LIN54: variants seen among roughly 807,000 people sequenced by gnomAD.
LIN54 encodes lin-54 DREAM MuvB core complex component, also known as protein lin-54 homolog.
Under a neutral mutation model 78.7 loss-of-function variants are expected in LIN54, and 9 were observed. The observed-to-expected ratio is 0.11, with a 90% confidence interval of 0.07 to 0.20. The LOEUF (loss-of-function observed/expected upper bound fraction) is 0.20, where lower values mean the gene tolerates loss of function less well. Among genes scored for constraint, LIN54 ranks in the 10% least tolerant of loss-of-function variants. The pLI is 1.00. For synonymous variants in LIN54, 269 were observed against 318.4 expected (o/e 0.84, Z 1.65); for missense variants, 573 against 889.9 (o/e 0.64, Z 4.53).
rs1399404644 is a variant in LIN54, at chr4:82,927,917, T to A, written c.*185A>T. On this transcript the variant is annotated 3_prime_UTR_variant, in exon 13 of 13. Transcript: ENST00000340417. ...AATTTAGAAGGGGCATAAGCAGATT[T>A]AACTAAGATTTAAAATGTACTAATT... The A allele has an allele frequency of 3.5e-6, 2 of 575,566 alleles. No individual in the cohort carries two copies. The highest frequency in any genetic ancestry group is 6.1e-6 in the Non-Finnish European group (2 of 325,540). The allele number at this position is 575,566 out of a possible 1,614,324, so 35.7% of individuals were successfully genotyped here.
At chr4:83,002,012 A>G (rs747637575) in intron 1 of LIN54, among the ~76,000 whole-genome samples, 1 of 147,288 alleles carries the variant, frequency 6.8e-6, no homozygotes, top group African/African-American at 2.5e-5. Flanking sequence ...GAGCTAACAG[A>G]TACCATAGCA....
At chr4:82,994,877 A>G (rs544994054) in intron 1 of LIN54, among the ~76,000 whole-genome samples, 7 of 152,004 alleles carry the variant, frequency 4.6e-5, no homozygotes, top group Non-Finnish European at 7.4e-5. Flanking sequence ...TTTGCTTCAT[A>G]TATTTTGAAG....
At chr4:82,991,986 T>C (rs950788081) in intron 1 of LIN54, among the ~76,000 whole-genome samples, 2 of 152,218 alleles carry the variant, frequency 1.3e-5, no homozygotes, top group East Asian at 1.9e-4. Context: ...TAAAATGAAT[T>C]GGAGTGTGTT....
intron 5 of LIN54, among the ~76,000 whole-genome samples, chr4:82,940,201 T>C (rs1722737551): frequency 6.6e-6 from 1 of 152,188 alleles, no homozygotes; most frequent in Non-Finnish European, 1.5e-5. Flanking sequence ...GGAATATTTG[T>C]AGGTTCAAGA....
intron 4 of LIN54, among the ~76,000 whole-genome samples, chr4:82,962,302 T>TC (rs764484691): frequency 4.5e-4 from 68 of 152,330 alleles, no homozygotes; most frequent in Non-Finnish European, 8.4e-4. Context: ...CTCTAAAAGT[T>TC]CAACTTTTTC....
At chr4:83,002,909 G>A (rs991042209) in intron 1 of LIN54, among the ~76,000 whole-genome samples, 1 of 152,132 alleles carries the variant, frequency 6.6e-6, no homozygotes, top group Non-Finnish European at 1.5e-5. Context: ...ATGACTGCTT[G>A]GGGTTGGTGT....
At position 82,984,286 on chromosome 4, in the gene LIN54, T is replaced by C. The variant is rs1300694367; in HGVS notation, c.559A>G (p.Thr187Ala). 6.2e-7 allele frequency: 1 copy of C among 1,614,208 alleles called. No individual in the cohort carries two copies. The highest frequency in any genetic ancestry group is 1.7e-5 in the Admixed American group (1 of 60,024). Residue 187 changes from threonine (T) to alanine (A), a missense_variant, in exon 2 of 13, where the codon ACC becomes GCC. By Grantham distance (58) the Thr-to-Ala change is moderately conservative. Transcript: ENST00000340417. ...TTCACCTCTGGCCTCCCTCCAATGG[T>C]AACTACTTTAATTTGCTGCGGTGGT... is the stretch of plus-strand genomic sequence containing the variant. ...KLPPQQIKVV[T>A]IGGRPEVKPV...
rs191696004 is a variant in LIN54 at position 82,930,030 on chromosome 4, T to C, written c.2048+913A>G. Reference sequence around the variant, plus strand: ...CTCCTGCGTCAGCCTCCCAAGTAGCTGGGATTACAGGCGCACACCACCATG... The same window carrying C: ...CTCCTGCGTCAGCCTCCCAAGTAGCCGGGATTACAGGCGCACACCACCATG... On this transcript the variant is annotated intron_variant, in intron 12 of 12. Coordinates refer to ENST00000340417, the MANE Select transcript of LIN54 (RefSeq NM_194282.4). 6.9e-3 allele frequency among the ~76,000 whole-genome samples: 1,052 copies of C among 152,090 alleles called. 47 individuals carry two copies. The highest frequency in any genetic ancestry group is 0.052 in the Admixed American group (799 of 15,276).
Position 82,925,688 on chromosome 4 carries a change from A to G in LIN54, c.*2414T>C, listed in dbSNP as rs573528731. ...ATTAAATGGTTAATAAAGTGGTGTTATTATACTAAAGAAAAAATGCAAAAC... is the reference window on the plus strand; with the variant it reads ...ATTAAATGGTTAATAAAGTGGTGTTGTTATACTAAAGAAAAAATGCAAAAC... On this transcript the variant is annotated 3_prime_UTR_variant, in exon 13 of 13. Transcript: ENST00000340417. 6.6e-6 allele frequency: 1 copy of G among 152,662 alleles called. No homozygotes were observed. Among genetic ancestry groups the G allele is most frequent in the Non-Finnish European group, 1.5e-5 (1 of 68,038 alleles). 9.5% of individuals were successfully genotyped at this position (152,662 alleles called of 1,614,324 possible).
Position 83,010,805 on chromosome 4 carries a change from C to G in LIN54, c.-354G>C. On this transcript the variant is annotated 5_prime_UTR_variant, in exon 1 of 13. Coordinates refer to ENST00000340417, the MANE Select transcript of LIN54 (RefSeq NM_194282.4). ...CGACAGCCGGAGCCCGGGCCGCCGC[C>G]GCCGCCGCCACCACCAGTAACCTCC... 8.1e-7 allele frequency: 1 copy of G among 1,234,908 alleles called. No individual in the cohort carries two copies. The highest frequency in any genetic ancestry group is 1.0e-6 in the Non-Finnish European group (1 of 990,758). The allele number at this position is 1,234,908 out of a possible 1,614,324, so 76.5% of individuals were successfully genotyped here.
At chr4:82,949,121 C>T (rs1007407793) in intron 4 of LIN54, among the ~76,000 whole-genome samples, 3 of 152,198 alleles carry the variant, frequency 2.0e-5, no homozygotes, top group Non-Finnish European at 4.4e-5. Context: ...CACCAATCTA[C>T]ATTCCCACAA....
At chr4:82,961,793 A>G (rs1294272833) in intron 4 of LIN54, among the ~76,000 whole-genome samples, 1 of 152,000 alleles carries the variant, frequency 6.6e-6, no homozygotes, top group African/African-American at 2.4e-5. Context: ...TCTCTACTAA[A>G]AATACAAAAA....
At chr4:82,994,578 T>C (rs1728033393) in intron 1 of LIN54, among the ~76,000 whole-genome samples, 1 of 152,042 alleles carries the variant, frequency 6.6e-6, no homozygotes. Flanking sequence ...TTTTGTATTT[T>C]TAGTAGAGAC....
intron 2 of LIN54, among the ~76,000 whole-genome samples, chr4:82,981,632 C>T (rs1379310346): frequency 6.6e-6 from 1 of 151,886 alleles, no homozygotes; most frequent in Non-Finnish European, 1.5e-5. Context: ...ACTTAAGTCG[C>T]CTAAAAATAA....
intron 2 of LIN54, among the ~76,000 whole-genome samples, chr4:82,982,255 G>C (rs1015832539): frequency 1.3e-5 from 2 of 151,946 alleles, no homozygotes; most frequent in Admixed American, 1.3e-4. Flanking sequence ...TTTTGAGACA[G>C]GGTTTTCCTG....
intron 5 of LIN54, among the ~76,000 whole-genome samples, chr4:82,942,223 G>T (rs1251065049): frequency 6.6e-6 from 1 of 152,128 alleles, no homozygotes; most frequent in Non-Finnish European, 1.5e-5. Flanking sequence ...TCTTAGAGTA[G>T]GCACTCTGAT....
intron 11 of LIN54, among the ~76,000 whole-genome samples, chr4:82,932,371 C>T (rs1722035116): frequency 1.3e-5 from 2 of 149,840 alleles, no homozygotes; most frequent in African/African-American, 4.9e-5. Context: ...GCTGGGATTA[C>T]AGATGTGAGC....
At chr4:82,948,749 AT>A (rs60305482) in intron 4 of LIN54, among the ~76,000 whole-genome samples, 144,706 of 152,122 alleles carry the variant, frequency 0.95, 69,105 homozygotes, top group East Asian at 1. Flanking sequence ...ATATTTGACC[AT>A]TTTTTTCCAG....
intron 1 of LIN54, among the ~76,000 whole-genome samples, chr4:82,996,118 CA>C (rs1426874015): frequency 6.7e-6 from 1 of 149,862 alleles, no homozygotes; most frequent in African/African-American, 2.4e-5. Context: ...AACTCCATCT[CA>C]AAAAAAAAGA....
Sources: allele counts gnomAD v4.1 joint callset (sites outside exome capture counted in the v4.1 genomes callset), GRCh38; gene constraint gnomAD v4.1.1; transcripts MANE v1.5; gene names NCBI Gene and HGNC (gene_info 2026-07-23, HGNC 2026-07-21).